The following THADA variants were observed in gnomAD, a reference collection of about 807,000 sequenced individuals.
THADA encodes the protein tRNA (32-2'-O)-methyltransferase regulator THADA.
In THADA, 213 loss-of-function variants were observed where a neutral mutation model predicts 219.8. The observed-to-expected ratio is 0.97, with a 90% CI of 0.87 to 1.09. The LOEUF (loss-of-function observed/expected upper bound fraction) is 1.09. Ranked by LOEUF, THADA falls within the 50% of genes least tolerant of loss-of-function variation. THADA has a pLI of 0.00. For synonymous variants in THADA, 1,018 were observed against 828.9 expected (o/e 1.23, Z -3.92); for missense variants, 2,956 against 2,311.3 (o/e 1.28, Z -5.72).
chr2:43,590,413 C>T (rs1701427228), intron 4 of THADA, among the ~76,000 whole-genome samples: 1 of 152,096 alleles, frequency 6.6e-6, no homozygotes, highest in African/African-American at 2.4e-5. Flanking sequence ...CGCAGTGGCT[C>T]ACACCTGTAA....
Position 43,568,903 on chromosome 2 carries a change from A to AT in THADA, c.2187+1484dup, listed in dbSNP as rs573398906. Among the ~76,000 whole-genome samples the AT allele has an allele frequency of 8.0e-3, 1,219 of 152,178 alleles. 18 individuals carry two copies. The highest frequency in any genetic ancestry group is 0.028 in the African/African-American group (1,176 of 41,528). On this transcript the variant is annotated intron_variant, in intron 14 of 37. Coordinates refer to ENST00000405975, the MANE Select transcript of THADA (RefSeq NM_022065.5). The stretch of plus-strand genomic sequence containing the variant: ...ACAAAGAATTAATTAATTAAAAAAA[A>AT]TTTTTTTAACTATCCTACACACACA...
At chr2:43,303,664 A>T (rs1041572333) in intron 31 of THADA, among the ~76,000 whole-genome samples, 2 of 149,276 alleles carry the variant, frequency 1.3e-5, no homozygotes, top group Non-Finnish European at 3.0e-5. Flanking sequence ...TCATTACCAC[A>T]TAATTATGGA....
At chr2:43,586,219 C>G (rs1322921992) in intron 7 of THADA, among the ~76,000 whole-genome samples, 182 bp downstream of exon 7, 1 of 152,056 alleles carries the variant, frequency 6.6e-6, no homozygotes. Flanking sequence ...GAGCTATGAT[C>G]ACACCACTGC....
intron 36 of THADA, among the ~76,000 whole-genome samples, chr2:43,234,795 G>C (rs1323135644): frequency 6.6e-6 from 1 of 151,308 alleles, no homozygotes; most frequent in African/African-American, 2.4e-5. Flanking sequence ...TGGGACTATA[G>C]GCATGTGCCA....
chr2:43,293,056 G>A lies in THADA; in HGVS notation c.4596C>T (p.Ala1532=). The part of the protein sequence containing the change: ...LAIAAVWAAA[A]KSGERETNVP... Reference sequence around the variant, plus strand: ...CATTCGTCTCCCGCTCTCCACTCTTGGCTGCCGCGGCCCACACTGCAGCAA... The same window carrying A: ...CATTCGTCTCCCGCTCTCCACTCTTAGCTGCCGCGGCCCACACTGCAGCAA... The change falls in exon 32 of 38, where the codon GCC becomes GCT. Residue 1532 remains alanine (A), a synonymous_variant. Transcript: ENST00000405975. The A allele has an allele frequency of 4.3e-6, 7 of 1,613,926 alleles. No individual in the cohort carries two copies. The highest frequency in any genetic ancestry group is 5.9e-6 in the Non-Finnish European group (7 of 1,179,888).
chr2:43,430,775 C>A, intron 26 of THADA: 1 of 323,282 alleles, frequency 3.1e-6, no homozygotes, highest in South Asian at 2.5e-5. Context: ...GGATGTTTAG[C>A]AGCCTCCGTG....
chr2:43,431,422 G>T (rs568294137), intron 26 of THADA, among the ~76,000 whole-genome samples: 5 of 151,982 alleles, frequency 3.3e-5, no homozygotes, highest in South Asian at 2.1e-4. Context: ...TTACAGTTTG[G>T]TTTTGTCTAT....
At chr2:43,566,625 A>G in intron 15 of THADA, 73 bp downstream of exon 15, 2 of 1,528,494 alleles carry the variant, frequency 1.3e-6, no homozygotes, top group Non-Finnish European at 1.8e-6. Flanking sequence ...AACTTCAAAT[A>G]AAGCAAAATG....
intron 28 of THADA, among the ~76,000 whole-genome samples, chr2:43,405,195 T>C (rs1050883339): frequency 7.2e-5 from 11 of 152,234 alleles, no homozygotes; most frequent in African/African-American, 1.9e-4. Context: ...GTCTATTTTC[T>C]GTCGACTCTA....
chr2:43,566,897 T>A, intron 14 of THADA, 76 bp from the exon 15 acceptor site: 2 of 1,004,526 alleles, frequency 2.0e-6, no homozygotes, highest in Non-Finnish European at 2.7e-6. Flanking sequence ...AAACACCCTT[T>A]AAGAGTGGGT....
intron 28 of THADA, among the ~76,000 whole-genome samples, chr2:43,424,844 G>A (rs930805422): frequency 2.6e-5 from 4 of 152,070 alleles, no homozygotes; most frequent in African/African-American, 9.7e-5. Context: ...AACCCCAGGC[G>A]ATTGTCACCA....
chr2:43,475,280 G>A (rs1685379334), intron 26 of THADA, among the ~76,000 whole-genome samples: 1 of 151,980 alleles, frequency 6.6e-6, no homozygotes, highest in South Asian at 2.1e-4. Context: ...GCCAGGCATG[G>A]TGTCACGCAC....
intron 29 of THADA, among the ~76,000 whole-genome samples, chr2:43,385,606 CAAAAAAAAAAAAAAAA>C (rs532857816): frequency 2.0e-5 from 1 of 49,930 alleles, no homozygotes; most frequent in Admixed American, 2.1e-4. Flanking sequence ...GACTCCGTCT[CAAAAAAAAAAAAAAAA>C]AAAAAAAAGA....
intron 16 of THADA, among the ~76,000 whole-genome samples, 196 bp downstream of exon 16, chr2:43,560,038 C>T (rs1326501239): frequency 1.3e-5 from 2 of 152,162 alleles, no homozygotes; most frequent in African/African-American, 4.8e-5. Context: ...CTGATTTGTG[C>T]CTTATTTACT....
At chr2:43,438,592 C>T (rs1185462121) in intron 26 of THADA, among the ~76,000 whole-genome samples, 1 of 152,216 alleles carries the variant, frequency 6.6e-6, no homozygotes, top group Admixed American at 6.5e-5. Context: ...TGTTCATCAA[C>T]AAAACATGAG....
chr2:43,436,268 C>T (rs1680088754), intron 26 of THADA, among the ~76,000 whole-genome samples: 1 of 152,114 alleles, frequency 6.6e-6, no homozygotes, highest in Non-Finnish European at 1.5e-5. Flanking sequence ...AGAGAATAAC[C>T]TTGACACCTG....
intron 26 of THADA, among the ~76,000 whole-genome samples, chr2:43,442,628 G>A (rs1247226181): frequency 6.6e-6 from 1 of 152,148 alleles, no homozygotes; most frequent in African/African-American, 2.4e-5. Context: ...AAACTTGAAT[G>A]CCAAGCTAAG....
At chr2:43,355,208 T>C (rs1668744274) in intron 29 of THADA, among the ~76,000 whole-genome samples, 1 of 152,174 alleles carries the variant, frequency 6.6e-6, no homozygotes, top group African/African-American at 2.4e-5. Flanking sequence ...AGAGTGCAAA[T>C]ATCTCTTTGA....
At chr2:43,549,021 C>G (rs1047525136) in intron 20 of THADA, among the ~76,000 whole-genome samples, 189 bp downstream of exon 20, 5 of 152,180 alleles carry the variant, frequency 3.3e-5, no homozygotes, top group East Asian at 1.9e-4. Context: ...GCTCCACCCC[C>G]CTGGTAAAAG....
Sources: gnomAD v4.1 joint callset for allele counts (sites outside exome capture counted in the v4.1 genomes callset) on GRCh38, gnomAD v4.1.1 for gene constraint, MANE v1.5 for transcripts, NCBI Gene and HGNC (gene_info 2026-07-23, HGNC 2026-07-21) for gene names.